Variants in LY6H observed in about 807,000 individuals in gnomAD.
LY6H encodes the protein lymphocyte antigen 6H.
A neutral mutation model predicts 14.6 loss-of-function variants in LY6H; 8 were observed. The ratio of observed to expected loss-of-function variants is 0.55; its 90% CI spans 0.32 to 0.99. LY6H has a LOEUF of 0.99. LY6H is among the 50% of genes least tolerant of loss of function. The pLI is 0.04. For missense variants in LY6H, 196 were observed against 219.6 expected (o/e 0.89, Z 0.68); for synonymous variants, 115 against 97.2 (o/e 1.18, Z -1.08).
In LY6H at chr8:143,158,299, C is replaced by T; in HGVS notation, c.437G>A (p.Gly146Glu). 6.2e-7 allele frequency: 1 copy of T among 1,613,508 alleles called. No homozygotes were observed. Among genetic ancestry groups the T allele is most frequent in the Non-Finnish European group, 8.5e-7 (1 of 1,179,810 alleles). The change falls in exon 4 of 4, where the codon GGG becomes GAG. Residue 146 changes from glycine (G) to glutamate (E), a missense_variant. By Grantham distance (98) the Gly-to-Glu change is moderately conservative. Coordinates refer to ENST00000342752, the MANE Select transcript of LY6H (RefSeq NM_001135655.2). ...AGGCCCCAGGCTGAGCAGGAGCCCC[C>T]CGGCCAGGGCCCAGGGGCTGTGCCC... is the stretch of plus-strand genomic sequence containing the variant. The part of the protein sequence containing the change: ...GAGHSPWALA[G>E]GLLLSLGPAL...
intron 2 of LY6H, 161 bp from the exon 3 acceptor site, chr8:143,159,083 C>T: frequency 4.0e-6 from 4 of 988,612 alleles, no homozygotes; most frequent in Non-Finnish European, 4.6e-6. Context: ...GAGCAGAGGC[C>T]CTGGGACAAC....
chr8:143,159,068 A>C (rs1815527213), intron 2 of LY6H, 146 bp from the exon 3 acceptor site: 1 of 1,152,812 alleles, frequency 8.7e-7, no homozygotes, highest in East Asian at 2.6e-5. Flanking sequence ...TGACCCCTGG[A>C]GGGGGAGCAG....
chr8:143,158,412 G>A lies in LY6H; in HGVS notation c.324C>T (p.Asp108=). ...CAGAGTTAATAAACCCCATCAGATA[G>A]TCTGAGAAAAAGTGTCGCTTAACGA... ...CDFVKRHFFS[D]YLMGFINSGI... The change falls in exon 4 of 4, where the codon GAC becomes GAT. Residue 108 remains aspartate, a synonymous_variant. Transcript: ENST00000342752. 1 of 1,613,978 alleles carries A rather than the reference G, an allele frequency of 6.2e-7. No individual in the cohort carries two copies. The highest frequency in any genetic ancestry group is 8.5e-7 in the Non-Finnish European group (1 of 1,179,978).
Position 143,158,335 on chromosome 8 carries a change from G to A in LY6H, c.401C>T (p.Ala134Val), listed in dbSNP as rs147894987. 8.8e-5 allele frequency: 142 copies of A among 1,613,798 alleles called. 1 individual carries two copies. The African/African-American group carries it at 1.3e-3, about 15-fold the overall frequency. Residue 134 changes from alanine to valine, a missense_variant, in exon 4 of 4, where the codon GCG becomes GTG. Transcript: ENST00000342752. ...CCAGGGGCTGTGCCCTGCCCCTGCC[G>A]CCCCATTGCACAAATCCTTCTCGCA... ...DCCEKDLCNG[A>V]AGAGHSPWAL...
chr8:143,158,505 C>T lies in LY6H; in HGVS notation c.251-20G>A, dbSNP rs1321002031. ...TCCTGCCTGGGAAGAGAAAGCGTGGCCTGGGACGGGGGCTCCTCCTGGGCC... is the reference window on the plus strand; with the variant it reads ...TCCTGCCTGGGAAGAGAAAGCGTGGTCTGGGACGGGGGCTCCTCCTGGGCC... On this transcript the variant is annotated intron_variant, in intron 3 of 3. Coordinates refer to ENST00000342752, the MANE Select transcript of LY6H (RefSeq NM_001135655.2). 1.9e-6 allele frequency: 3 copies of T among 1,590,626 alleles called. No individual in the cohort carries two copies. The highest frequency in any genetic ancestry group is 1.7e-5 in the Admixed American group (1 of 59,952).
rs1231758363 is a variant in LY6H, at chr8:143,158,913, A to G, written c.140T>C (p.Leu47Pro). 1 of 1,613,774 alleles carries G rather than the reference A, an allele frequency of 6.2e-7. No homozygotes were observed. The highest frequency in any genetic ancestry group is 8.5e-7 in the Non-Finnish European group (1 of 1,179,946). ...VLLCSAPAHG[L>P]WCQDCTLTTN... ...GGTCAGGGTGCAGTCCTGGCACCAC[A>G]GGCCATGAGCTGGGCAGGGCATGGG... The change falls in exon 3 of 4, where the codon CTG (leucine) becomes CCG (proline). Residue 47 changes from leucine to proline, a missense_variant. By Grantham distance (98) the Leu-to-Pro change is moderately conservative. Transcript: ENST00000342752.
Position 143,158,184 on chromosome 8 carries a change from G to A in LY6H, c.*66C>T, listed in dbSNP as rs1815494131. ...CTGCCCCCAGCCCCAGCCACGCCAGGCTGGGGAGAGGGCAGCCACAGGCTC... is the reference window on the plus strand; with the variant it reads ...CTGCCCCCAGCCCCAGCCACGCCAGACTGGGGAGAGGGCAGCCACAGGCTC... On this transcript the variant is annotated 3_prime_UTR_variant, in exon 4 of 4. Transcript: ENST00000342752. 8.2e-7 allele frequency: 1 copy of A among 1,222,644 alleles called. No individual in the cohort carries two copies. Among genetic ancestry groups the A allele is most frequent in the Admixed American group, 2.5e-5 (1 of 39,908 alleles). 75.7% of individuals were successfully genotyped at this position (1,222,644 alleles called of 1,614,324 possible).
chr8:143,160,403 G>C (rs1001145186), upstream of LY6H: 103 of 156,018 alleles, frequency 6.6e-4, 5 homozygotes, highest in South Asian at 0.018. Flanking sequence ...GCGCGGGGCG[G>C]GGGGCGCCCG....
chr8:143,158,991 C>T (rs1815523132), intron 2 of LY6H, 69 bp from the exon 3 acceptor site: 1 of 1,557,334 alleles, frequency 6.4e-7, no homozygotes, highest in Non-Finnish European at 8.7e-7. Flanking sequence ...CCCTGCGCCC[C>T]CCACCCATCC....
At chr8:143,160,152 G>A (rs1815564347) in intron 1 of LY6H, 46 bp downstream of exon 1, 1 of 1,267,184 alleles carries the variant, frequency 7.9e-7, no homozygotes, top group East Asian at 2.9e-5. Context: ...CGCTCACCGC[G>A]GATGGGGCGT....
At chr8:143,160,341 C>T, upstream of LY6H, 1 of 489,056 alleles carries the variant, frequency 2.0e-6, no homozygotes, top group Non-Finnish European at 2.9e-6. Context: ...GCGCGAGGGG[C>T]GGGGCGGAGC....
intron 1 of LY6H, 28 bp downstream of exon 1, chr8:143,160,170 G>A (rs1815564902): frequency 1.6e-6 from 2 of 1,280,092 alleles, no homozygotes; most frequent in Non-Finnish European, 2.0e-6. Context: ...CGTGGAGCGC[G>A]GGCCTCGGGG....
At chr8:143,160,108 A>T (rs1815563207) in intron 1 of LY6H, 90 bp downstream of exon 1, 2 of 1,111,266 alleles carry the variant, frequency 1.8e-6, no homozygotes, top group African/African-American at 3.2e-5. Context: ...CCCCGGGCCG[A>T]GTCCCCTCCC....
Position 143,158,125 on chromosome 8 carries a change from A to AGCCACAG in LY6H, c.*118_*124dup. On this transcript the variant is annotated 3_prime_UTR_variant, in exon 4 of 4. Transcript: ENST00000342752. ...GGCTTCACGTCGGGGGAGGAGTGAG[A>AGCCACAG]GCCACAGGCCACAGCCACGGAGCTG... 1.6e-6 allele frequency: 1 copy of AGCCACAG among 638,978 alleles called. No homozygotes were observed. The highest frequency in any genetic ancestry group is 2.7e-6 in the Non-Finnish European group (1 of 367,334). 39.6% of individuals were successfully genotyped at this position (638,978 alleles called of 1,614,324 possible).
chr8:143,158,718 G>A, intron 3 of LY6H, 85 bp downstream of exon 3: 1 of 1,508,212 alleles, frequency 6.6e-7, no homozygotes, highest in Non-Finnish European at 8.9e-7. Flanking sequence ...CTCGTCCCAG[G>A]CCAGAGGGGC....
At position 143,158,183 on chromosome 8, in the gene LY6H, G is replaced by T; in HGVS notation, c.*67C>A. On this transcript the variant is annotated 3_prime_UTR_variant, in exon 4 of 4. Transcript: ENST00000342752. ...GCTGCCCCCAGCCCCAGCCACGCCA[G>T]GCTGGGGAGAGGGCAGCCACAGGCT... 5.7e-6 allele frequency: 7 copies of T among 1,222,178 alleles called. No homozygotes were observed. The highest frequency in any genetic ancestry group is 4.6e-6 in the Non-Finnish European group (4 of 873,340). 75.7% of individuals were successfully genotyped at this position (1,222,178 alleles called of 1,614,324 possible).
In LY6H at chr8:143,158,172, C is replaced by A. The variant is rs1815493691; in HGVS notation, c.*78G>T. The A allele has an allele frequency of 8.4e-6, 9 of 1,074,094 alleles. No homozygotes were observed. Among genetic ancestry groups the A allele is most frequent in the Non-Finnish European group, 1.2e-5 (9 of 748,132 alleles). The allele number at this position is 1,074,094 out of a possible 1,614,324, so 66.5% of individuals were successfully genotyped here. A position where few individuals can be genotyped will look rare whatever the true frequency, so the allele number is the denominator to read the frequency against. Reference sequence around the variant, plus strand: ...GCTGGGCCAAGGCTGCCCCCAGCCCCAGCCACGCCAGGCTGGGGAGAGGGC... The same window carrying A: ...GCTGGGCCAAGGCTGCCCCCAGCCCAAGCCACGCCAGGCTGGGGAGAGGGC... On this transcript the variant is annotated 3_prime_UTR_variant, in exon 4 of 4. Transcript: ENST00000342752.
intron 1 of LY6H, 82 bp downstream of exon 1, chr8:143,160,116 C>G: frequency 8.5e-7 from 1 of 1,175,578 alleles, no homozygotes; most frequent in East Asian, 3.2e-5. Context: ...CGAGTCCCCT[C>G]CCTTGGCCTT....
Position 143,158,449 on chromosome 8 carries a change from G to A in LY6H, c.287C>T (p.Ser96Phe). 2 of 1,613,974 alleles carry A rather than the reference G, an allele frequency of 1.2e-6. No homozygotes were observed. The highest frequency in any genetic ancestry group is 1.7e-6 in the Non-Finnish European group (2 of 1,179,958). ...GTGTCGCTTAACGAAGTCACAGGAG[G>A]AGGCACACATCTTGTTCACCGAGTG... ...KDHSVNKMCA[S>F]SCDFVKRHFF... The change falls in exon 4 of 4, where the codon TCC (serine) becomes TTC (phenylalanine). Residue 96 changes from serine (S) to phenylalanine (F), a missense_variant. Ser to Phe is a radical substitution (Grantham distance 155, BLOSUM62 -2). Coordinates refer to ENST00000342752, the MANE Select transcript of LY6H (RefSeq NM_001135655.2).
Sources: gnomAD v4.1 joint callset for allele counts on GRCh38, gnomAD v4.1.1 for gene constraint, MANE v1.5 for transcripts, NCBI Gene and HGNC (gene_info 2026-07-23, HGNC 2026-07-21) for gene names.